TMEM238L: variants seen among roughly 807,000 people sequenced by gnomAD.
TMEM238L encodes the protein transmembrane protein 238 like, also known as transmembrane protein 238-like.
At position 10,803,052 on chromosome 17, in the gene TMEM238L, C is replaced by T. The variant is rs561129969; in HGVS notation, c.*118+554G>A. Reference sequence around the variant, plus strand: ...TGTGTGCACTGAGTGGGCATGGAGGCGAGTAGTCCCTACCCCGCTTCTTGT... The same window carrying T: ...TGTGTGCACTGAGTGGGCATGGAGGTGAGTAGTCCCTACCCCGCTTCTTGT... On this transcript the variant is annotated intron_variant, in intron 1 of 1. Transcript: ENST00000581851. Among the ~76,000 whole-genome samples the T allele has an allele frequency of 5.3e-5, 8 of 151,908 alleles. No individual in the cohort carries two copies. The East Asian group carries it at 1.4e-3, about 26-fold the overall frequency.
chr17:10,798,748 CGTG>C (rs948528723), intron 1 of TMEM238L, among the ~76,000 whole-genome samples: 6 of 151,104 alleles, frequency 4.0e-5, no homozygotes, highest in East Asian at 2.0e-4. Flanking sequence ...TGCATGAACA[CGTG>C]GAGTAGAAGA....
intron 1 of TMEM238L, among the ~76,000 whole-genome samples, chr17:10,801,472 C>T (rs1021828926): frequency 6.6e-6 from 1 of 152,190 alleles, no homozygotes; most frequent in Non-Finnish European, 1.5e-5. Flanking sequence ...CTTCAATCTC[C>T]CTGTCGTCTT....
chr17:10,795,237 G>C (rs145950909), exon 2 of TMEM238L: 141 of 152,350 alleles, frequency 9.3e-4, no homozygotes, highest in African/African-American at 3.2e-3. Flanking sequence ...CAGCATAGCA[G>C]AGGCCTAGCT....
intron 1 of TMEM238L, among the ~76,000 whole-genome samples, chr17:10,801,146 G>T (rs1429912524): frequency 6.6e-6 from 1 of 151,926 alleles, no homozygotes; most frequent in East Asian, 1.9e-4. Flanking sequence ...CGCCTCCCGG[G>T]TTCACGCCAT....
At chr17:10,803,123 T>A (rs1877329286) in intron 1 of TMEM238L, among the ~76,000 whole-genome samples, 1 of 152,026 alleles carries the variant, frequency 6.6e-6, no homozygotes, top group African/African-American at 2.4e-5. Context: ...AGAGGGGCCG[T>A]TCTGGGTGGT....
At chr17:10,795,376 A>G (rs1018666992) in exon 2 of TMEM238L, 27 of 152,210 alleles carry the variant, frequency 1.8e-4, no homozygotes, top group Admixed American at 1.4e-3. Flanking sequence ...TGAGGAGGAG[A>G]GAGTCCTCCC....
intron 1 of TMEM238L, among the ~76,000 whole-genome samples, chr17:10,802,006 C>T (rs979463636): frequency 3.0e-4 from 46 of 152,314 alleles, no homozygotes; most frequent in African/African-American, 1.0e-3. Flanking sequence ...TGGTCTTGAA[C>T]TCCTGACCTC....
intron 1 of TMEM238L, among the ~76,000 whole-genome samples, chr17:10,800,763 G>A (rs1487721248): frequency 6.6e-6 from 1 of 152,200 alleles, no homozygotes; most frequent in African/African-American, 2.4e-5. Context: ...CACGTTGCTA[G>A]AAAGGAATAA....
exon 1 of TMEM238L, chr17:10,803,696 C>T (rs1426924599): frequency 1.3e-5 from 5 of 398,910 alleles, no homozygotes; most frequent in South Asian, 2.7e-4. Flanking sequence ...ACAGCACCTG[C>T]GTCTCTTCTC....
chr17:10,799,276 C>A (rs1261025935), intron 1 of TMEM238L, among the ~76,000 whole-genome samples: 1 of 152,252 alleles, frequency 6.6e-6, no homozygotes, highest in Non-Finnish European at 1.5e-5. Context: ...TGGCCCACTG[C>A]AATCTCCGCC....
exon 1 of TMEM238L, chr17:10,804,084 C>T (rs951187948): frequency 2.8e-5 from 11 of 399,180 alleles, no homozygotes; most frequent in Admixed American, 4.4e-5. Flanking sequence ...AGCGAGCTGG[C>T]GCTTCTTGGA....
exon 2 of TMEM238L, chr17:10,795,140 G>T (rs953092022): frequency 4.6e-5 from 7 of 152,258 alleles, no homozygotes; most frequent in Non-Finnish European, 8.8e-5. Context: ...GACCCTCAGA[G>T]TTGCTGTCCT....
exon 2 of TMEM238L, chr17:10,795,650 T>A (rs1867270): frequency 0.82 from 125,249 of 152,210 alleles, 51,715 homozygotes; most frequent in Middle Eastern, 0.93. Flanking sequence ...AGAGGATGAG[T>A]CTTCTCTTTT....
intron 1 of TMEM238L, among the ~76,000 whole-genome samples, chr17:10,799,572 A>G (rs1044495535): frequency 2.0e-5 from 3 of 152,162 alleles, no homozygotes; most frequent in South Asian, 4.1e-4. Context: ...GGGAGCCCAC[A>G]TTCTTTCCTT....
In TMEM238L at chr17:10,803,464, G is replaced by A. The variant is rs535111243; in HGVS notation, c.*118+142C>T. 2.9e-4 allele frequency: 94 copies of A among 328,280 alleles called. 2 individuals are homozygous for A. The South Asian group carries it at 8.5e-3, about 30-fold the overall frequency. 20.3% of individuals were successfully genotyped at this position (328,280 alleles called of 1,614,324 possible). A position where few individuals can be genotyped will look rare whatever the true frequency, so the allele number is the denominator to read the frequency against. ...TCCTCTTGGCTGGCCACCCCAGCAG[G>A]ACCTGAGGCCAGGGCCACAGGATCC... On this transcript the variant is annotated intron_variant, in intron 1 of 1. Transcript: ENST00000581851.
intron 1 of TMEM238L, among the ~76,000 whole-genome samples, chr17:10,800,168 G>A (rs1304463847): frequency 2.0e-5 from 3 of 152,064 alleles, no homozygotes; most frequent in South Asian, 2.1e-4. Context: ...TCCTGACCTC[G>A]TGATCCGCCC....
At chr17:10,799,542 G>T (rs7222161) in intron 1 of TMEM238L, among the ~76,000 whole-genome samples, 136,522 of 152,196 alleles carry the variant, frequency 0.9, 61,312 homozygotes, top group Non-Finnish European at 0.91. Context: ...CTAGGAATGT[G>T]GGCATCAGCT....
At chr17:10,803,917 G>T (rs538146098) in exon 1 of TMEM238L, 2 of 399,346 alleles carry the variant, frequency 5.0e-6, no homozygotes, top group Non-Finnish European at 8.8e-6. Flanking sequence ...GAGGAAGAGC[G>T]CACAGCGCCC....
intron 1 of TMEM238L, among the ~76,000 whole-genome samples, chr17:10,803,059 T>G (rs1290240913): frequency 7.2e-5 from 11 of 151,928 alleles, no homozygotes; most frequent in Non-Finnish European, 1.0e-4. Context: ...AGGCGAGTAG[T>G]CCCTACCCCG....
Sources: gnomAD v4.1 joint callset for allele counts (sites outside exome capture counted in the v4.1 genomes callset) on GRCh38, gnomAD v4.1.1 for gene constraint, MANE v1.5 for transcripts, NCBI Gene and HGNC (gene_info 2026-07-23, HGNC 2026-07-21) for gene names.